The following TAF4 variants were observed in gnomAD, a reference collection of about 807,000 sequenced individuals.
TAF4 encodes transcription initiation factor TFIID subunit 4.
Under a neutral mutation model 90.3 loss-of-function variants are expected in TAF4, and 9 were observed. The ratio of observed to expected loss-of-function variants is 0.10; its 90% confidence interval spans 0.06 to 0.17. TAF4 has a LOEUF of 0.17. TAF4 is among the 10% of genes least tolerant of loss of function. The probability of loss-of-function intolerance (pLI) is 1.00; values close to 1 mark genes in which losing one functional copy is unlikely to be tolerated. For missense variants in TAF4, 1,351 were observed against 1,370.7 expected (o/e 0.99, Z 0.23); for synonymous variants, 818 against 638.9 (o/e 1.28, Z -4.23).
intron 1 of TAF4, among the ~76,000 whole-genome samples, chr20:62,022,984 C>G (rs1233634337): frequency 6.6e-6 from 1 of 152,106 alleles, no homozygotes; most frequent in South Asian, 2.1e-4. Flanking sequence ...GCACTGTGTT[C>G]ATGGGTCAGG....
In TAF4 at chr20:61,997,619, T is replaced by G. The variant is rs1290876444; in HGVS notation, c.3021A>C (p.Thr1007=). The change falls in exon 14 of 15, where the codon ACA becomes ACC. Residue 1007 remains threonine (T), a synonymous_variant. Transcript: ENST00000252996. ...TCCTGGGCCCGATCGCTGCTAGTGC[T>G]GTGAGGTTGGCGTCCCGCTGTCTCA... The part of the protein sequence containing the change: ...AQMRQRDANL[T]ALAAIGPRKK... 1 of 1,613,736 alleles carries G rather than the reference T, an allele frequency of 6.2e-7. No homozygotes were observed. The highest frequency in any genetic ancestry group is 8.5e-7 in the Non-Finnish European group (1 of 1,179,908).
intron 1 of TAF4, among the ~76,000 whole-genome samples, chr20:62,043,968 A>G (rs915599590): frequency 1.3e-5 from 2 of 152,180 alleles, no homozygotes; most frequent in African/African-American, 4.8e-5. Flanking sequence ...CCCGTTAGCT[A>G]ACCCAGGCTT....
intron 14 of TAF4, among the ~76,000 whole-genome samples, chr20:61,982,594 G>A (rs201233126): frequency 1.0e-5 from 1 of 99,776 alleles, no homozygotes; most frequent in African/African-American, 4.2e-5. Flanking sequence ...CACCCCACCC[G>A]AGAGGAGACA....
At chr20:62,062,316 C>T (rs753118490) in intron 1 of TAF4, among the ~76,000 whole-genome samples, 1 of 152,096 alleles carries the variant, frequency 6.6e-6, no homozygotes, top group Non-Finnish European at 1.5e-5. Flanking sequence ...AGAGTATTTG[C>T]AATTTGCCAT....
intron 14 of TAF4, among the ~76,000 whole-genome samples, chr20:61,982,586 CCCCACCCGAGAGGAGACACCAAACCCACA>C (rs2055556137): frequency 3.4e-5 from 4 of 118,104 alleles, no homozygotes; most frequent in African/African-American, 9.9e-5. Flanking sequence ...CAAACCCACA[CCCCACCCGAGAGGAGACACCAAACCCACA>C]CCCACCCGAG....
In TAF4 at chr20:61,976,781, G is replaced by T. The variant is rs576751331; in HGVS notation, c.3091-446C>A. On this transcript the variant is annotated intron_variant, in intron 14 of 14. Coordinates refer to ENST00000252996, the MANE Select transcript of TAF4 (RefSeq NM_003185.4). ...TGAATTCCTGCACTGGGAGGCCTGG[G>T]GTTGGCTGGGACTGGGCATGCTGGG... Among the ~76,000 whole-genome samples, 9 of 152,328 alleles carry T rather than the reference G, an allele frequency of 5.9e-5. No homozygotes were observed. The East Asian group carries it at 1.5e-3, about 26-fold the overall frequency.
At chr20:62,033,211 G>C (rs558329674) in intron 1 of TAF4, among the ~76,000 whole-genome samples, 1 of 152,326 alleles carries the variant, frequency 6.6e-6, no homozygotes, top group Non-Finnish European at 1.5e-5. Flanking sequence ...GCCCCCAGCG[G>C]ATGGCTCTGG....
At position 62,008,991 on chromosome 20, in the gene TAF4, A is replaced by G. The variant is rs569641332; in HGVS notation, c.1884+61T>C. On this transcript the variant is annotated intron_variant, in intron 5 of 14. Coordinates refer to ENST00000252996, the MANE Select transcript of TAF4 (RefSeq NM_003185.4). ...CCCGGGCACAGGTCACAGCAGCAACAGGTGTCTGTCCTATGCAACAGGCTT... is the reference window on the plus strand; with the variant it reads ...CCCGGGCACAGGTCACAGCAGCAACGGGTGTCTGTCCTATGCAACAGGCTT... 4.9e-5 allele frequency: 76 copies of G among 1,563,498 alleles called. 2 individuals are homozygous for G. In the South Asian group the frequency reaches 5.7e-4, roughly 12 times the overall value.
At position 61,999,236 on chromosome 20, in the gene TAF4, C is replaced by G. The variant is rs1284710756; in HGVS notation, c.2788-128G>C. On this transcript the variant is annotated intron_variant, in intron 11 of 14. Transcript: ENST00000252996. The stretch of plus-strand genomic sequence containing the variant: ...CGTCCAGTCTGAATGCGGCGAGGAC[C>G]CGATCCCTCCCACCCTGCAAATGCT... 2.2e-5 allele frequency: 26 copies of G among 1,188,000 alleles called. No homozygotes were observed. In the Admixed American group the frequency reaches 5.2e-4, roughly 24 times the overall value. 73.6% of individuals were successfully genotyped at this position (1,188,000 alleles called of 1,614,324 possible). A position where few individuals can be genotyped will look rare whatever the true frequency, so the allele number is the denominator to read the frequency against.
intron 1 of TAF4, among the ~76,000 whole-genome samples, chr20:62,050,497 G>A (rs1008545669): frequency 6.6e-6 from 1 of 152,092 alleles, no homozygotes. Context: ...AGCAGCCCGG[G>A]GTGCTGGCAG....
At position 62,000,171 on chromosome 20, in the gene TAF4, C is replaced by G. The variant is rs756306141; in HGVS notation, c.2740G>C (p.Val914Leu). The G allele has an allele frequency of 1.5e-5, 25 of 1,614,244 alleles. No individual in the cohort carries two copies. The highest frequency in any genetic ancestry group is 2.1e-5 in the Non-Finnish European group (25 of 1,180,044). The change falls in exon 11 of 15, where the codon GTA (valine) becomes CTA (leucine). Residue 914 changes from valine (V) to leucine (L), a missense_variant. Transcript: ENST00000252996. ...TGAGCTGTTTCTGATATTTTCTCTA[C>G]AAGATTCTGTAGCCTTTGTTGCGTG... ...HATQQRLQNL[V>L]EKISETAQQK...
At chr20:62,034,840 A>ATTTTTT (rs2055923673) in intron 1 of TAF4, among the ~76,000 whole-genome samples, 1 of 115,706 alleles carries the variant, frequency 8.6e-6, no homozygotes. Flanking sequence ...TTTTTTTTTG[A>ATTTTTT]GATGGAGTCT....
At chr20:62,027,586 T>C (rs1302192523) in intron 1 of TAF4, among the ~76,000 whole-genome samples, 2 of 152,204 alleles carry the variant, frequency 1.3e-5, no homozygotes, top group African/African-American at 4.8e-5. Context: ...ATTCCTTACC[T>C]GTCTCCGTTT....
In TAF4 at chr20:62,000,704, T is replaced by C; in HGVS notation, c.2504A>G (p.Asn835Ser). The part of the protein sequence containing the change: ...GGSFRDDDDI[N>S]DVASMAGVNL... Reference sequence around the variant, plus strand: ...TACTCCAGCCATCGATGCAACATCATTAATGTCATCATCGTCCCTTGAGGA... The same window carrying C: ...TACTCCAGCCATCGATGCAACATCACTAATGTCATCATCGTCCCTTGAGGA... Residue 835 changes from asparagine (N) to serine (S), a missense_variant, in exon 10 of 15, where the codon AAT (asparagine) becomes AGT (serine). This residue lies in a region of TAF4 where 6 missense variants were observed against 28.0 expected (regional missense o/e 0.21). Transcript: ENST00000252996. 6.2e-7 allele frequency: 1 copy of C among 1,614,250 alleles called. No homozygotes were observed. The highest frequency in any genetic ancestry group is 8.5e-7 in the Non-Finnish European group (1 of 1,180,050).
At chr20:62,029,003 T>C (rs1191496672) in intron 1 of TAF4, among the ~76,000 whole-genome samples, 1 of 152,140 alleles carries the variant, frequency 6.6e-6, no homozygotes, top group Non-Finnish European at 1.5e-5. Context: ...GAGACCATCC[T>C]GGCTAACATA....
intron 1 of TAF4, among the ~76,000 whole-genome samples, chr20:62,041,599 A>G (rs1024857309): frequency 9.2e-5 from 14 of 152,126 alleles, no homozygotes; most frequent in Admixed American, 9.2e-4. Context: ...ACTGCACTCC[A>G]GCCTGGGCAA....
At position 62,065,025 on chromosome 20, in the gene TAF4, CGCGGGGGCG is replaced by C. The variant is rs1223948446; in HGVS notation, c.777_785del (p.Ala260_Ala262del). ...GCGGGGCGGCGGCGGGGGCGGCGGG[CGCGGGGGCG>C]GCGGGGGGCGAGGGCGCGGCGGGCG... is the stretch of plus-strand genomic sequence containing the variant. On this transcript the variant is annotated inframe_deletion, in exon 1 of 15. Coordinates refer to ENST00000252996, the MANE Select transcript of TAF4 (RefSeq NM_003185.4). 21 of 380,038 alleles carry C rather than the reference CGCGGGGGCG, an allele frequency of 5.5e-5. No homozygotes were observed. Among genetic ancestry groups the C allele is most frequent in the South Asian group, 3.4e-4 (3 of 8,824 alleles). The allele number at this position is 380,038 out of a possible 1,614,324, so 23.5% of individuals were successfully genotyped here. A position where few individuals can be genotyped will look rare whatever the true frequency, so the allele number is the denominator to read the frequency against.
intron 14 of TAF4, among the ~76,000 whole-genome samples, chr20:61,985,169 A>AC (rs1195626567): frequency 1.3e-5 from 2 of 151,944 alleles, no homozygotes; most frequent in Non-Finnish European, 2.9e-5. Context: ...TTTGGAGGAA[A>AC]CCAACAGGAA....
rs2056126203 is a variant in TAF4 at position 62,065,576 on chromosome 20, C to T, written c.235G>A (p.Ala79Thr). 3 of 978,562 alleles carry T rather than the reference C, an allele frequency of 3.1e-6. No individual in the cohort carries two copies. Among genetic ancestry groups the T allele is most frequent in the African/African-American group, 1.8e-5 (1 of 55,764 alleles). 60.6% of individuals were successfully genotyped at this position (978,562 alleles called of 1,614,324 possible). Residue 79 changes from alanine to threonine, a missense_variant, in exon 1 of 15, where the codon GCC becomes ACC. Around this residue, in one of 9 missense-constraint regions of TAF4, gnomAD observed 782 missense variants for 536.6 expected, o/e 1.46. Coordinates refer to ENST00000252996, the MANE Select transcript of TAF4 (RefSeq NM_003185.4). ...GGCGCCGCTCCGGGCGCGCCCTCGG[C>T]GGGGGCGGCCGGCCCTGCGCCCGCG... is the stretch of plus-strand genomic sequence containing the variant. ...GAAGAGPAAP[A>T]EGAPGAAPEP...
Sources: allele counts gnomAD v4.1 joint callset (sites outside exome capture counted in the v4.1 genomes callset), GRCh38; gene constraint gnomAD v4.1.1; regional missense constraint gnomAD v4.1.1; transcripts MANE v1.5; gene names NCBI Gene and HGNC (gene_info 2026-07-23, HGNC 2026-07-21).